Variants in HIBCH observed in about 807,000 individuals in gnomAD.
HIBCH encodes the protein 3-hydroxyisobutyryl-CoA hydrolase.
In HIBCH, 50 loss-of-function variants were observed where a neutral mutation model predicts 58.2. The observed-to-expected ratio is 0.86, with a 90% CI of 0.68 to 1.09. The LOEUF is 1.09. Ranked by LOEUF, HIBCH falls within the 50% of genes least tolerant of loss-of-function variation. HIBCH has a pLI of 0.00. For missense variants in HIBCH, 450 were observed against 449.7 expected (o/e 1.00, Z -0.01); for synonymous variants, 151 against 146.9 (o/e 1.03, Z -0.20).
chr2:190,243,787 G>A lies in HIBCH; in HGVS notation c.891+1100C>T, dbSNP rs1163992249. Among the ~76,000 whole-genome samples, 2 of 152,066 alleles carry A rather than the reference G, an allele frequency of 1.3e-5. No individual in the cohort carries two copies. The highest frequency in any genetic ancestry group is 2.9e-5 in the Non-Finnish European group (2 of 68,016). ...GGTCGAGACCAGTCTGGCCAACATG[G>A]TGAAACCTTGTCTCTACAAAAAAAT... On this transcript the variant is annotated intron_variant, in intron 11 of 13. Transcript: ENST00000359678. This position sits in a 1 kb window ranked among gnomAD's most constrained non-coding sequence, Gnocchi z 4.1.
Position 190,197,148 on chromosome 2 carries a change from G to A in HIBCH, c.*18-7151C>T, listed in dbSNP as rs955354456. On this transcript the variant is annotated intron_variant, in intron 1 of 1. Transcript: ENST00000399855. The surrounding 1 kb of genome is among the most constrained non-coding windows in gnomAD (Gnocchi z 4.0). ...AGGCCCCACCTCCAAATACCATCAC[G>A]TTGGGGATTAGGTTTCAATATATGA... Among the ~76,000 whole-genome samples, 5 of 152,240 alleles carry A rather than the reference G, an allele frequency of 3.3e-5. No individual in the cohort carries two copies. The South Asian group carries it at 8.3e-4, about 25-fold the overall frequency.
In HIBCH at chr2:190,221,248, C is replaced by T. The variant is rs1162634159; in HGVS notation, c.892-8173G>A. Among the ~76,000 whole-genome samples the T allele has an allele frequency of 4.6e-5, 7 of 152,226 alleles. No individual in the cohort carries two copies. The East Asian group carries it at 1.4e-3, about 29-fold the overall frequency. ...CAGAGTCTTCGGGTTTGGACTCTAC[C>T]GTCAGAGAGTGCTGGGTTAGAATCC... is the stretch of plus-strand genomic sequence containing the variant. On this transcript the variant is annotated intron_variant, in intron 11 of 13. Coordinates refer to ENST00000359678, the MANE Select transcript of HIBCH (RefSeq NM_014362.4).
intron 11 of HIBCH, among the ~76,000 whole-genome samples, chr2:190,220,060 A>G (rs1041801544): frequency 2.6e-5 from 4 of 152,242 alleles, no homozygotes. Context: ...TAAGTATTTA[A>G]TAAAATAAGA....
chr2:190,228,603 T>C (rs755854533), intron 11 of HIBCH, among the ~76,000 whole-genome samples: 3 of 152,124 alleles, frequency 2.0e-5, no homozygotes, highest in Non-Finnish European at 2.9e-5. Context: ...TGATAAATTA[T>C]TGGGACTTGG....
At chr2:190,224,612 C>T (rs1361520607) in intron 11 of HIBCH, among the ~76,000 whole-genome samples, 1 of 152,192 alleles carries the variant, frequency 6.6e-6, no homozygotes, top group Non-Finnish European at 1.5e-5. Flanking sequence ...GCACCCAATA[C>T]AGGAGCACCC....
Position 190,217,912 on chromosome 2 carries a change from C to CT in HIBCH, c.892-4838dup, listed in dbSNP as rs752849686. The stretch of plus-strand genomic sequence containing the variant: ...ACCTAAGAAACCCTTAAAGCTAACT[C>CT]TAAGGAAAACCTAAAGGAAGCTATG... On this transcript the variant is annotated intron_variant, in intron 11 of 13. Transcript: ENST00000359678. The surrounding 1 kb of genome is among the most constrained non-coding windows in gnomAD (Gnocchi z 4.6). Among the ~76,000 whole-genome samples the CT allele has an allele frequency of 3.9e-5, 6 of 152,124 alleles. No homozygotes were observed. The highest frequency in any genetic ancestry group is 1.3e-4 in the Admixed American group (2 of 15,274).
intron 4 of HIBCH, among the ~76,000 whole-genome samples, chr2:190,292,006 A>G (rs1024353254): frequency 6.6e-6 from 1 of 152,230 alleles, no homozygotes; most frequent in African/African-American, 2.4e-5. Flanking sequence ...GTTTTGAGAC[A>G]GAATCTCGCT....
chr2:190,242,018 A>G (rs1686469480), intron 11 of HIBCH, among the ~76,000 whole-genome samples: 1 of 152,156 alleles, frequency 6.6e-6, no homozygotes, highest in Admixed American at 6.5e-5. Flanking sequence ...CAGTCTTGCT[A>G]GGTTGGGGAA....
At chr2:190,280,283 G>A (rs1346528273) in intron 6 of HIBCH, among the ~76,000 whole-genome samples, 2 of 152,126 alleles carry the variant, frequency 1.3e-5, no homozygotes, top group East Asian at 3.9e-4. Context: ...TTGGAGAGGT[G>A]GGCCCTCAAG....
chr2:190,217,695 C>T lies in HIBCH; in HGVS notation c.892-4620G>A, dbSNP rs10173651. The stretch of plus-strand genomic sequence containing the variant: ...CAGTTCACCACTTCCAGGCTGGCAA[C>T]TCGGTGCTAATTAAAACCTGGAAAG... On this transcript the variant is annotated intron_variant, in intron 11 of 13. Coordinates refer to ENST00000359678, the MANE Select transcript of HIBCH (RefSeq NM_014362.4). This position sits in a 1 kb window ranked among gnomAD's most constrained non-coding sequence, Gnocchi z 4.6. Among the ~76,000 whole-genome samples, 895 of 152,246 alleles carry T rather than the reference C, an allele frequency of 5.9e-3. 12 individuals are homozygous for T. The highest frequency in any genetic ancestry group is 0.021 in the African/African-American group (861 of 41,526).
At chr2:190,241,559 G>A (rs1012721366) in intron 11 of HIBCH, among the ~76,000 whole-genome samples, 1 of 152,168 alleles carries the variant, frequency 6.6e-6, no homozygotes, top group African/African-American at 2.4e-5. Context: ...TCATAGTGTT[G>A]TTGGTCTTTG....
intron 1 of HIBCH, among the ~76,000 whole-genome samples, chr2:190,319,353 G>T (rs991971703): frequency 1.3e-5 from 2 of 152,204 alleles, no homozygotes; most frequent in Admixed American, 1.3e-4. Flanking sequence ...GTGTGTGCTG[G>T]CTGCACAAAA....
rs961618631 is a variant in HIBCH, at chr2:190,215,527, A to C, written c.892-2452T>G. ...AAATATTCAGGATTAAATCCAGAGG[A>C]CCCAGTAGGGCAAGGCCTTTAATTT... is the stretch of plus-strand genomic sequence containing the variant. On this transcript the variant is annotated intron_variant, in intron 11 of 13. Transcript: ENST00000359678. The surrounding 1 kb of genome is among the most constrained non-coding windows in gnomAD (Gnocchi z 4.4). The C allele has an allele frequency of 6.6e-6, 1 of 152,172 alleles. No individual in the cohort carries two copies. The highest frequency in any genetic ancestry group is 1.5e-5 in the Non-Finnish European group (1 of 68,032). The allele number at this position is 152,172 out of a possible 1,614,324, so 9.4% of individuals were successfully genotyped here.
intron 5 of HIBCH, among the ~76,000 whole-genome samples, chr2:190,288,632 G>A (rs1687887247): frequency 6.6e-6 from 1 of 151,812 alleles, no homozygotes. Context: ...AACAATTTAT[G>A]GAATGGTTAC....
chr2:190,208,508 A>G (rs1690446532), intron 13 of HIBCH, among the ~76,000 whole-genome samples: 1 of 152,202 alleles, frequency 6.6e-6, no homozygotes, highest in Non-Finnish European at 1.5e-5. Context: ...TATCAGTTTC[A>G]AAGACTGATC....
At position 190,206,476 on chromosome 2, in the gene HIBCH, T is replaced by A. The variant is rs1173766055; in HGVS notation, c.1046-1244A>T. On this transcript the variant is annotated intron_variant, in intron 13 of 13. Transcript: ENST00000359678. This position sits in a 1 kb window ranked among gnomAD's most constrained non-coding sequence, Gnocchi z 5.1. ...GAGACTATTAATCAAATTTGTTATTTTATTTCAAGCTAACAATTTTTTTAC... is the reference window on the plus strand; with the variant it reads ...GAGACTATTAATCAAATTTGTTATTATATTTCAAGCTAACAATTTTTTTAC... Among the ~76,000 whole-genome samples, 1 of 152,210 alleles carries A rather than the reference T, an allele frequency of 6.6e-6. No individual in the cohort carries two copies. Among genetic ancestry groups the A allele is most frequent in the Non-Finnish European group, 1.5e-5 (1 of 68,034 alleles).
At position 190,250,237 on chromosome 2, in the gene HIBCH, T is replaced by C. The variant is rs1297560909; in HGVS notation, c.664-511A>G. The C allele has an allele frequency of 3.1e-5, 11 of 357,326 alleles. No homozygotes were observed. In the Admixed American group the frequency reaches 3.8e-4, roughly 12 times the overall value. 22.1% of individuals were successfully genotyped at this position (357,326 alleles called of 1,614,324 possible). A position where few individuals can be genotyped will look rare whatever the true frequency, so the allele number is the denominator to read the frequency against. On this transcript the variant is annotated intron_variant, in intron 8 of 13. Coordinates refer to ENST00000359678, the MANE Select transcript of HIBCH (RefSeq NM_014362.4). ...ATTAAATGTTTCCTTTACCTGACAATACCTTTTCCTGATAATACTCACCTT... is the reference window on the plus strand; with the variant it reads ...ATTAAATGTTTCCTTTACCTGACAACACCTTTTCCTGATAATACTCACCTT...
chr2:190,288,732 T>C (rs138228839), intron 5 of HIBCH, among the ~76,000 whole-genome samples: 48 of 152,214 alleles, frequency 3.2e-4, no homozygotes, highest in African/African-American at 9.9e-4. Context: ...ACAAAAGGAA[T>C]TGGAAAGCTT....
chr2:190,314,894 T>G (rs2124874027), intron 1 of HIBCH, among the ~76,000 whole-genome samples: 1 of 152,282 alleles, frequency 6.6e-6, no homozygotes, highest in Middle Eastern at 3.4e-3. Context: ...GATCTTTCTT[T>G]TCTATTGGTT....
Sources: allele counts gnomAD v4.1 joint callset (sites outside exome capture counted in the v4.1 genomes callset), GRCh38; gene constraint gnomAD v4.1.1; non-coding constraint Gnocchi (gnomAD v3.1); transcripts MANE v1.5; gene names NCBI Gene and HGNC (gene_info 2026-07-23, HGNC 2026-07-21).